PEX5L: variants seen among roughly 807,000 people sequenced by gnomAD.
The protein encoded by PEX5L is peroxisomal biogenesis factor 5 like.
In PEX5L, 30 loss-of-function variants were observed where a neutral mutation model predicts 84.0. The observed-to-expected ratio is 0.36, with a 90% CI of 0.27 to 0.48. The LOEUF is 0.48. Ranked by LOEUF, PEX5L falls within the 20% of genes least tolerant of loss-of-function variation. The probability of loss-of-function intolerance (pLI) is 0.99; values close to 1 mark genes in which losing one functional copy is unlikely to be tolerated. For synonymous variants in PEX5L, 270 were observed against 283.1 expected (o/e 0.95, Z 0.46); for missense variants, 533 against 754.6 (o/e 0.71, Z 3.44).
In PEX5L at chr3:179,929,505, T is replaced by G. The variant is rs368678538; in HGVS notation, c.94-31259A>C. Among the ~76,000 whole-genome samples the G allele has an allele frequency of 6.6e-5, 8 of 121,664 alleles. No homozygotes were observed. The East Asian group carries it at 1.6e-3, about 25-fold the overall frequency. The allele number at this position is 121,664 out of a possible 152,430, so 79.8% of individuals were successfully genotyped here. On this transcript the variant is annotated intron_variant, in intron 2 of 14. Coordinates refer to ENST00000467460, the MANE Select transcript of PEX5L (RefSeq NM_016559.3). ...GAAGTTGCCATTTTTTTTTTTTTTTTGGTAAGTCAGAAGCTGTTAAATATT... is the reference window on the plus strand; with the variant it reads ...GAAGTTGCCATTTTTTTTTTTTTTTGGGTAAGTCAGAAGCTGTTAAATATT...
chr3:179,937,659 G>C (rs1774973884), intron 2 of PEX5L, among the ~76,000 whole-genome samples: 1 of 152,194 alleles, frequency 6.6e-6, no homozygotes, highest in Non-Finnish European at 1.5e-5. Context: ...TCATGAGGTA[G>C]AAGTCAGGTC....
chr3:180,026,002 G>T (rs1790915380), intron 1 of PEX5L, among the ~76,000 whole-genome samples: 2 of 152,158 alleles, frequency 1.3e-5, no homozygotes, highest in East Asian at 3.8e-4. Flanking sequence ...ACTATGTGGT[G>T]AAGCCATGGT....
chr3:179,898,389 AG>A (rs1206100805), intron 2 of PEX5L, 143 bp from the exon 3 acceptor site: 7 of 503,202 alleles, frequency 1.4e-5, no homozygotes. Context: ...CTTTTGGCTG[AG>A]GAGAAAACAC....
At chr3:179,918,194 T>C (rs1384115573) in intron 2 of PEX5L, among the ~76,000 whole-genome samples, 1 of 152,170 alleles carries the variant, frequency 6.6e-6, no homozygotes, top group Non-Finnish European at 1.5e-5. Context: ...AGTTTGTGCA[T>C]TCTTGGGCCC....
chr3:180,007,948 CTT>C (rs1789077129), intron 1 of PEX5L, among the ~76,000 whole-genome samples: 1 of 152,232 alleles, frequency 6.6e-6, no homozygotes, highest in South Asian at 2.1e-4. Context: ...GGCCTGGAGA[CTT>C]TTTCCTCATG....
chr3:179,907,883 T>C (rs979742548), intron 2 of PEX5L, among the ~76,000 whole-genome samples: 24 of 152,218 alleles, frequency 1.6e-4, no homozygotes, highest in African/African-American at 5.5e-4. Context: ...CCCCATTTTC[T>C]GGCAGGTGCA....
intron 1 of PEX5L, among the ~76,000 whole-genome samples, chr3:180,002,155 T>TTTTTAATA (rs1788483918): frequency 6.6e-6 from 1 of 152,174 alleles, no homozygotes; most frequent in South Asian, 2.1e-4. Flanking sequence ...AGCATTCCTT[T>TTTTTAATA]GGTTTCCTTT....
Position 180,036,560 on chromosome 3 carries a change from C to G in PEX5L, c.21+19G>C, listed in dbSNP as rs777857329. ...ATTAGCCCCCAAGAATTCTCTCCAG[C>G]CCTATAGAAATGTCTTACCTGCATG... On this transcript the variant is annotated intron_variant, in intron 1 of 14. Transcript: ENST00000467460. The G allele has an allele frequency of 4.3e-6, 7 of 1,613,108 alleles. No individual in the cohort carries two copies. The South Asian group carries it at 7.7e-5, about 18-fold the overall frequency.
chr3:180,005,167 T>C (rs55952695), intron 1 of PEX5L, among the ~76,000 whole-genome samples: 25,488 of 152,106 alleles, frequency 0.17, 2,910 homozygotes, highest in African/African-American at 0.33. Flanking sequence ...TACGGAATGG[T>C]AAAATCATAA....
At chr3:179,988,710 G>A (rs1232677069) in intron 1 of PEX5L, among the ~76,000 whole-genome samples, 2 of 152,214 alleles carry the variant, frequency 1.3e-5, no homozygotes, top group African/African-American at 2.4e-5. Flanking sequence ...AAGTGTGTAT[G>A]TAAACACCTG....
intron 2 of PEX5L, among the ~76,000 whole-genome samples, chr3:179,931,235 T>C (rs1773017094): frequency 6.6e-6 from 1 of 152,240 alleles, no homozygotes. Context: ...TATTGGGACC[T>C]CTGTCAATAA....
intron 2 of PEX5L, among the ~76,000 whole-genome samples, chr3:179,944,008 C>A (rs112119139): frequency 0.035 from 5,269 of 151,532 alleles, 258 homozygotes; most frequent in African/African-American, 0.1. Flanking sequence ...CCTCCCCCCC[C>A]CAAAAAACTG....
chr3:179,945,761 G>A (rs1777356339), intron 2 of PEX5L, among the ~76,000 whole-genome samples: 1 of 152,194 alleles, frequency 6.6e-6, no homozygotes, highest in Admixed American at 6.5e-5. Context: ...ATGGCAGCCA[G>A]TTCCTTTGCT....
At chr3:179,990,975 T>C (rs986814171) in intron 1 of PEX5L, among the ~76,000 whole-genome samples, 2 of 152,178 alleles carry the variant, frequency 1.3e-5, no homozygotes, top group African/African-American at 4.8e-5. Context: ...TAAACAACTC[T>C]ATAATACCCC....
chr3:179,924,468 CT>C (rs1770795630), intron 2 of PEX5L, among the ~76,000 whole-genome samples: 1 of 152,178 alleles, frequency 6.6e-6, no homozygotes, highest in Non-Finnish European at 1.5e-5. Flanking sequence ...AAACGCAAAG[CT>C]GAAATAATTT....
intron 4 of PEX5L, among the ~76,000 whole-genome samples, chr3:179,885,888 T>A (rs189300291): frequency 1.1e-3 from 166 of 152,320 alleles, no homozygotes; most frequent in Non-Finnish European, 1.9e-3. Flanking sequence ...ATGGTAAGTT[T>A]CCATTGTTGA....
At chr3:179,803,471 G>A (rs1392626875) in intron 14 of PEX5L, among the ~76,000 whole-genome samples, 1 of 152,166 alleles carries the variant, frequency 6.6e-6, no homozygotes, top group African/African-American at 2.4e-5. Flanking sequence ...AGCCGAGTTA[G>A]ATGCTGTCTG....
chr3:179,818,189 C>CTTCA (rs1450375156), intron 9 of PEX5L, among the ~76,000 whole-genome samples: 1 of 151,992 alleles, frequency 6.6e-6, no homozygotes, highest in African/African-American at 2.4e-5. Flanking sequence ...CTATCCAGAA[C>CTTCA]TGAATATTAC....
At chr3:179,802,533 A>C (rs1719312697) in intron 14 of PEX5L, among the ~76,000 whole-genome samples, 1 of 112,638 alleles carries the variant, frequency 8.9e-6, no homozygotes, top group African/African-American at 3.8e-5. Flanking sequence ...AGACTGTCTC[A>C]AAAAAAAAAA....
Sources: allele counts gnomAD v4.1 joint callset (sites outside exome capture counted in the v4.1 genomes callset), GRCh38; gene constraint gnomAD v4.1.1; transcripts MANE v1.5; gene names NCBI Gene and HGNC (gene_info 2026-07-23, HGNC 2026-07-21).